SAMD5: variants seen among roughly 807,000 people sequenced by gnomAD.
The protein encoded by SAMD5 is sterile alpha motif domain containing 5, also known as sterile alpha motif domain-containing protein 5.
In SAMD5, 13 loss-of-function variants were observed where a neutral mutation model predicts 11.3. The ratio of observed to expected loss-of-function variants is 1.15; its 90% confidence interval spans 0.75 to 1.83. The LOEUF is 1.83. Among genes scored for constraint, SAMD5 ranks in the 40% most tolerant of loss-of-function variants. The probability of loss-of-function intolerance (pLI) is 0.00; values close to 1 mark genes in which losing one functional copy is unlikely to be tolerated. For missense variants in SAMD5, 255 were observed against 239.1 expected, an observed-to-expected ratio of 1.07 and a Z score of -0.44; for synonymous variants, 129 against 111.3, an observed-to-expected ratio of 1.16 and a Z score of -1.00.
chr6:147,649,425 C>CT (rs1305153165), intron 1 of SAMD5, among the ~76,000 whole-genome samples: 1 of 152,084 alleles, frequency 6.6e-6, no homozygotes, highest in African/African-American at 2.4e-5. Context: ...TATACTGTGA[C>CT]TTTTTCAAAA....
At chr6:147,737,496 T>C in exon 2 of SAMD5, 1 of 348,678 alleles carries the variant, frequency 2.9e-6, no homozygotes, top group Non-Finnish European at 5.7e-6. Context: ...AAGGCAGTGT[T>C]TGTATGATGG....
chr6:147,618,140 A>C (rs2128449855), intron 1 of SAMD5, among the ~76,000 whole-genome samples: 1 of 152,356 alleles, frequency 6.6e-6, no homozygotes, highest in Admixed American at 6.5e-5. Flanking sequence ...GATATAACTA[A>C]GGCAAAGAGG....
At chr6:147,847,383 ACAGT>A in the SAMD5 span, among the ~76,000 whole-genome samples, 1 of 152,158 alleles carries the variant, frequency 6.6e-6, no homozygotes, top group East Asian at 1.9e-4. Context: ...AAGATTTTAA[ACAGT>A]CAATGAAAAG....
At chr6:147,831,414 C>T in the SAMD5 span, among the ~76,000 whole-genome samples, 1 of 152,182 alleles carries the variant, frequency 6.6e-6, no homozygotes, top group African/African-American at 2.4e-5. Context: ...ATTCCCTCTG[C>T]TCCTGCTTTC....
At chr6:147,746,738 C>T in the SAMD5 span, among the ~76,000 whole-genome samples, 1 of 152,172 alleles carries the variant, frequency 6.6e-6, no homozygotes, top group Non-Finnish European at 1.5e-5. Context: ...ATTTCAAAAA[C>T]TATGGGTTGG....
At chr6:147,591,979 G>A (rs1021941969) in intron 1 of SAMD5, among the ~76,000 whole-genome samples, 6 of 152,026 alleles carry the variant, frequency 3.9e-5, no homozygotes, top group Non-Finnish European at 7.4e-5. Context: ...ATAGCCACGG[G>A]AGCATTAGGA....
chr6:147,688,462 T>G (rs2128456837), intron 1 of SAMD5, among the ~76,000 whole-genome samples: 1 of 152,330 alleles, frequency 6.6e-6, no homozygotes, highest in Non-Finnish European at 1.5e-5. Context: ...ATTGCTTGAA[T>G]ACAAAGAGGG....
chr6:147,774,336 T>C, the SAMD5 span, among the ~76,000 whole-genome samples: 3 of 152,092 alleles, frequency 2.0e-5, no homozygotes, highest in Non-Finnish European at 2.9e-5. Flanking sequence ...GAAGTGTAAT[T>C]ATGCAATAAA....
intron 1 of SAMD5, among the ~76,000 whole-genome samples, chr6:147,671,847 A>T (rs1406410104): frequency 7.2e-6 from 1 of 138,498 alleles, no homozygotes; most frequent in Admixed American, 7.2e-5. Context: ...AATATGCTTT[A>T]TATTTAATAG....
At chr6:147,833,328 G>A in the SAMD5 span, among the ~76,000 whole-genome samples, 1 of 152,150 alleles carries the variant, frequency 6.6e-6, no homozygotes, top group African/African-American at 2.4e-5. Flanking sequence ...GAAAAATTGA[G>A]TATTCAGAAT....
the SAMD5 span, among the ~76,000 whole-genome samples, chr6:147,849,105 G>C: frequency 6.6e-6 from 1 of 150,734 alleles, no homozygotes; most frequent in African/African-American, 2.4e-5. Flanking sequence ...TGGTTTCTTT[G>C]GATAAGCCAA....
At chr6:147,924,807 T>G in the SAMD5 span, among the ~76,000 whole-genome samples, 2 of 146,860 alleles carry the variant, frequency 1.4e-5, no homozygotes, top group Non-Finnish European at 3.0e-5. Flanking sequence ...AATAAATAAA[T>G]AAATAAATAA....
chr6:147,661,811 C>T (rs1231075997), intron 1 of SAMD5, among the ~76,000 whole-genome samples: 1 of 151,618 alleles, frequency 6.6e-6, no homozygotes, highest in Non-Finnish European at 1.5e-5. Flanking sequence ...TTGTATTTTT[C>T]GTAGAAACGG....
intron 1 of SAMD5, among the ~76,000 whole-genome samples, chr6:147,700,940 T>C (rs1388708484): frequency 6.6e-6 from 1 of 152,118 alleles, no homozygotes. Context: ...GGAAGATAAA[T>C]CATGGGAGAA....
intron 1 of SAMD5, among the ~76,000 whole-genome samples, chr6:147,704,771 T>C (rs1791301881): frequency 6.6e-6 from 1 of 152,128 alleles, no homozygotes; most frequent in Admixed American, 6.6e-5. Context: ...AAATACAAGA[T>C]GAAATGGAAA....
Position 147,568,449 on chromosome 6 carries a change from G to A in SAMD5, c.*3993G>A, listed in dbSNP as rs1050732751. On this transcript the variant is annotated 3_prime_UTR_variant, in exon 2 of 2. Transcript: ENST00000367474. ...TTGATTAGGTATCAAAATAGGTTTA[G>A]GCAGGTGGAAGTTCTGAATTTCAAG... 9.6e-5 allele frequency: 95 copies of A among 985,224 alleles called. 1 individual carries two copies. The African/African-American group carries it at 1.6e-3, about 16-fold the overall frequency. 61.0% of individuals were successfully genotyped at this position (985,224 alleles called of 1,614,324 possible).
chr6:147,742,070 T>G (rs2128460811), downstream of SAMD5, among the ~76,000 whole-genome samples: 2 of 152,318 alleles, frequency 1.3e-5, no homozygotes, highest in South Asian at 4.1e-4. Flanking sequence ...TAAGAAATTA[T>G]TTTAGTCAGT....
At chr6:147,691,263 G>A (rs6912340) in intron 1 of SAMD5, among the ~76,000 whole-genome samples, 26,633 of 151,984 alleles carry the variant, frequency 0.18, 2,611 homozygotes, top group African/African-American at 0.27. Flanking sequence ...CAAAGTGCTG[G>A]GGTTACAGGC....
At chr6:147,628,002 C>T (rs1171699263) in intron 1 of SAMD5, among the ~76,000 whole-genome samples, 1 of 152,128 alleles carries the variant, frequency 6.6e-6, no homozygotes, top group Non-Finnish European at 1.5e-5. Context: ...AAATACTTAT[C>T]GACTACTGAA....
Sources: gnomAD v4.1 joint callset for allele counts (sites outside exome capture counted in the v4.1 genomes callset) on GRCh38, gnomAD v4.1.1 for gene constraint, MANE v1.5 for transcripts, NCBI Gene and HGNC (gene_info 2026-07-23, HGNC 2026-07-21) for gene names.